SLC24A2: variants seen among roughly 807,000 people sequenced by gnomAD.
The protein encoded by SLC24A2 is solute carrier family 24 member 2.
A neutral mutation model predicts 62.0 loss-of-function variants in SLC24A2; 36 were observed. The ratio of observed to expected loss-of-function variants is 0.58; its 90% CI spans 0.44 to 0.77. The LOEUF is 0.77. Among genes scored for constraint, SLC24A2 ranks in the 30% least tolerant of loss-of-function variants. The pLI is 0.00. For missense variants in SLC24A2, 846 were observed against 817.9 expected, an observed-to-expected ratio of 1.03 and a Z score of -0.42; for synonymous variants, 358 against 294.0, an observed-to-expected ratio of 1.22 and a Z score of -2.23.
the SLC24A2 span, among the ~76,000 whole-genome samples, chr9:19,891,739 CT>C: frequency 6.6e-6 from 1 of 152,058 alleles, no homozygotes. Flanking sequence ...GAGCGAGATC[CT>C]GTCTCTAAAA....
chr9:20,052,931 T>C, the SLC24A2 span, among the ~76,000 whole-genome samples: 2 of 152,214 alleles, frequency 1.3e-5, no homozygotes, highest in Admixed American at 1.3e-4. Context: ...TATGTTAAAC[T>C]GAATTTCAAT....
the SLC24A2 span, among the ~76,000 whole-genome samples, chr9:20,157,957 G>T: frequency 6.6e-6 from 1 of 151,498 alleles, no homozygotes; most frequent in Non-Finnish European, 1.5e-5. Context: ...CCTATAAGAA[G>T]AAAGTAAGCA....
chr9:19,969,252 C>T, the SLC24A2 span, among the ~76,000 whole-genome samples: 1 of 146,144 alleles, frequency 6.8e-6, no homozygotes, highest in Admixed American at 7.0e-5. Context: ...TGAAGAATTT[C>T]CTTCATTCTT....
At chr9:20,018,783 T>G in the SLC24A2 span, among the ~76,000 whole-genome samples, 1 of 152,048 alleles carries the variant, frequency 6.6e-6, no homozygotes, top group Admixed American at 6.6e-5. Flanking sequence ...AACCCATATC[T>G]TAAAAAGTAG....
At chr9:19,675,599 G>A (rs1390992462) in intron 2 of SLC24A2, among the ~76,000 whole-genome samples, 1 of 152,132 alleles carries the variant, frequency 6.6e-6, no homozygotes, top group Non-Finnish European at 1.5e-5. Flanking sequence ...GATTATGGCT[G>A]CCTCTGCTGT....
the SLC24A2 span, among the ~76,000 whole-genome samples, chr9:20,028,314 G>A: frequency 6.6e-6 from 1 of 152,146 alleles, no homozygotes; most frequent in South Asian, 2.1e-4. Context: ...CATTAAGGAT[G>A]GTAATGCATT....
chr9:19,844,273 C>T, the SLC24A2 span, among the ~76,000 whole-genome samples: 6 of 152,034 alleles, frequency 3.9e-5, no homozygotes, highest in Admixed American at 6.6e-5. Flanking sequence ...TGATCAATGA[C>T]GTTGAACATT....
chr9:19,944,635 G>C, the SLC24A2 span, among the ~76,000 whole-genome samples: 1 of 152,128 alleles, frequency 6.6e-6, no homozygotes, highest in South Asian at 2.1e-4. Context: ...TTACCCCTTT[G>C]CAACATCCCA....
chr9:20,003,399 G>A, the SLC24A2 span, among the ~76,000 whole-genome samples: 563 of 152,200 alleles, frequency 3.7e-3, 4 homozygotes, highest in African/African-American at 0.012. Flanking sequence ...AAACTACTTC[G>A]TCTTATGAGA....
rs1819129299 is a variant in SLC24A2 at position 19,662,470 on chromosome 9, T to C, written c.931-40171A>G. On this transcript the variant is annotated intron_variant, in intron 2 of 10. Coordinates refer to ENST00000341998, the MANE Select transcript of SLC24A2 (RefSeq NM_020344.4). Reference sequence around the variant, plus strand: ...ACTTGTTGCTTTCAGCTCTTACTCCTACTTACATTTATCTCTGTTCTGTCA... The same window carrying C: ...ACTTGTTGCTTTCAGCTCTTACTCCCACTTACATTTATCTCTGTTCTGTCA... Among the ~76,000 whole-genome samples, 6 of 152,336 alleles carry C rather than the reference T, an allele frequency of 3.9e-5. No homozygotes were observed. In the South Asian group the frequency reaches 1.2e-3, roughly 32 times the overall value.
the SLC24A2 span, among the ~76,000 whole-genome samples, chr9:20,040,509 T>C: frequency 1.3e-5 from 2 of 152,214 alleles, no homozygotes; most frequent in African/African-American, 2.4e-5. Flanking sequence ...TCTATCCCAA[T>C]GTGCGTCACC....
intron 9 of SLC24A2, among the ~76,000 whole-genome samples, chr9:19,525,391 CTT>C (rs572919824): frequency 0.024 from 1,838 of 76,238 alleles, 44 homozygotes; most frequent in African/African-American, 0.062. Flanking sequence ...TATTTCTTTA[CTT>C]TTTTTTTTTT....
chr9:19,645,688 C>T (rs905154135), intron 2 of SLC24A2, among the ~76,000 whole-genome samples: 5 of 152,128 alleles, frequency 3.3e-5, no homozygotes, highest in African/African-American at 9.7e-5. Flanking sequence ...GCGGCCCAAG[C>T]ACCCCATGGC....
chr9:19,582,484 C>T (rs1290619025), intron 5 of SLC24A2, among the ~76,000 whole-genome samples: 2 of 152,044 alleles, frequency 1.3e-5, no homozygotes, highest in Non-Finnish European at 2.9e-5. Context: ...AAGAGAGTGG[C>T]CAAACACAGC....
At chr9:19,650,310 G>A (rs1031350057) in intron 2 of SLC24A2, among the ~76,000 whole-genome samples, 1 of 152,214 alleles carries the variant, frequency 6.6e-6, no homozygotes, top group African/African-American at 2.4e-5. Flanking sequence ...GGGGATGAAT[G>A]CTGAAATCAT....
chr9:20,205,008 G>C, the SLC24A2 span, among the ~76,000 whole-genome samples: 1,081 of 152,100 alleles, frequency 7.1e-3, 11 homozygotes, highest in African/African-American at 0.022. Flanking sequence ...TCCTCCCAAA[G>C]TGCTGGGATT....
the SLC24A2 span, among the ~76,000 whole-genome samples, chr9:19,990,956 A>G: frequency 4.0e-5 from 4 of 99,098 alleles, no homozygotes; most frequent in African/African-American, 1.5e-4. Context: ...TGTATGTATT[A>G]TATATACTAT....
At chr9:20,044,476 G>A in the SLC24A2 span, among the ~76,000 whole-genome samples, 1 of 152,094 alleles carries the variant, frequency 6.6e-6, no homozygotes, top group Non-Finnish European at 1.5e-5. Context: ...CTTAACATTG[G>A]GAGGCAGGGT....
chr9:19,830,726 T>C, the SLC24A2 span, among the ~76,000 whole-genome samples: 1 of 152,138 alleles, frequency 6.6e-6, no homozygotes, highest in Non-Finnish European at 1.5e-5. Flanking sequence ...TAACTGGACA[T>C]TGCAGGGACT....
Sources: allele counts gnomAD v4.1 joint callset (sites outside exome capture counted in the v4.1 genomes callset), GRCh38; gene constraint gnomAD v4.1.1; transcripts MANE v1.5; gene names NCBI Gene and HGNC (gene_info 2026-07-23, HGNC 2026-07-21).